Variants in CCAR1 observed in about 807,000 individuals in gnomAD.
The protein encoded by CCAR1 is cell division cycle and apoptosis regulator 1, also known as cell division cycle and apoptosis regulator protein 1.
In CCAR1, 78 loss-of-function variants were observed where a neutral mutation model predicts 163.8. The observed-to-expected ratio is 0.48, with a 90% CI of 0.40 to 0.57. CCAR1 has a LOEUF of 0.57. Among genes scored for constraint, CCAR1 ranks in the 20% least tolerant of loss-of-function variants. CCAR1 has a pLI of 0.00. For missense variants in CCAR1, 1,019 were observed against 1,365.2 expected, an observed-to-expected ratio of 0.75 and a Z score of 4.00; for synonymous variants, 443 against 460.7, an observed-to-expected ratio of 0.96 and a Z score of 0.49.
At chr10:68,745,025 G>A (rs1029568951) in intron 6 of CCAR1, among the ~76,000 whole-genome samples, 1 of 151,834 alleles carries the variant, frequency 6.6e-6, no homozygotes, top group African/African-American at 2.4e-5. Flanking sequence ...TTTTTTTTGA[G>A]ACAGAGTTTC....
intron 19 of CCAR1, among the ~76,000 whole-genome samples, chr10:68,778,467 A>C (rs1322182309): frequency 6.6e-6 from 1 of 150,598 alleles, no homozygotes; most frequent in African/African-American, 2.4e-5. Context: ...TGTGCCCCCT[A>C]CTTTATTTAA....
chr10:68,725,297 C>A (rs1338788270), intron 2 of CCAR1, among the ~76,000 whole-genome samples: 1 of 151,984 alleles, frequency 6.6e-6, no homozygotes, highest in Admixed American at 6.6e-5. Context: ...AACCTCCTCT[C>A]TACTAAAAAT....
intron 11 of CCAR1, 94 bp from the exon 12 acceptor site, chr10:68,754,620 C>A: frequency 1.6e-6 from 1 of 644,478 alleles, no homozygotes; most frequent in Non-Finnish European, 2.7e-6. Flanking sequence ...ATTTAAATTT[C>A]AGACATCTTA....
chr10:68,743,072 A>G (rs2056203632), intron 6 of CCAR1, among the ~76,000 whole-genome samples: 1 of 151,706 alleles, frequency 6.6e-6, no homozygotes, highest in African/African-American at 2.4e-5. Flanking sequence ...AGCTGGGACA[A>G]CAGGCATGCG....
chr10:68,774,483 C>T (rs887022366), intron 19 of CCAR1, among the ~76,000 whole-genome samples: 2 of 151,632 alleles, frequency 1.3e-5, no homozygotes, highest in Non-Finnish European at 2.9e-5. Flanking sequence ...ACTAAAAATA[C>T]AAAAAATTAG....
intron 2 of CCAR1, among the ~76,000 whole-genome samples, chr10:68,727,773 CCAGT>C (rs1212143437): frequency 3.3e-5 from 5 of 152,044 alleles, no homozygotes; most frequent in African/African-American, 7.2e-5. Context: ...CAGTCAGTGA[CCAGT>C]CAATCAAATC....
At chr10:68,738,485 G>GT (rs1437715383) in intron 4 of CCAR1, among the ~76,000 whole-genome samples, 2 of 152,138 alleles carry the variant, frequency 1.3e-5, no homozygotes, top group African/African-American at 4.8e-5. Context: ...CCTTTGGACT[G>GT]TTATGCTCCT....
intron 2 of CCAR1, among the ~76,000 whole-genome samples, chr10:68,728,972 T>C (rs918592523): frequency 2.0e-5 from 3 of 150,266 alleles, no homozygotes; most frequent in African/African-American, 4.9e-5. Context: ...AAAAAAGCCC[T>C]GTCCAATAAG....
chr10:68,725,364 C>T (rs2055927701), intron 2 of CCAR1, among the ~76,000 whole-genome samples: 2 of 151,598 alleles, frequency 1.3e-5, no homozygotes, highest in South Asian at 4.2e-4. Flanking sequence ...CACCACTGTA[C>T]TCCAGCCTGA....
chr10:68,786,189 T>TGC lies in CCAR1; in HGVS notation c.2704_2705insGC (p.Tyr902CysfsTer18). The stretch of plus-strand genomic sequence containing the variant: ...AGATGACAAAAGAGATATCAACAGA[T>TGC]ACTGCAAGGAGAGGCCCTCTAAAGA... On this transcript the variant is annotated frameshift_variant, in exon 20 of 25. Transcript: ENST00000265872. LOFTEE classifies it high-confidence loss of function. 6.2e-7 allele frequency: 1 copy of TGC among 1,611,354 alleles called. No individual in the cohort carries two copies. The highest frequency in any genetic ancestry group is 8.5e-7 in the Non-Finnish European group (1 of 1,177,946).
intron 2 of CCAR1, among the ~76,000 whole-genome samples, chr10:68,731,311 A>G (rs531434228): frequency 6.6e-6 from 1 of 152,216 alleles, no homozygotes; most frequent in Non-Finnish European, 1.5e-5. Flanking sequence ...ATGCACATAT[A>G]AAAATATTCA....
At chr10:68,758,389 C>T (rs1422335816) in intron 15 of CCAR1, among the ~76,000 whole-genome samples, 1 of 151,690 alleles carries the variant, frequency 6.6e-6, no homozygotes. Context: ...TAGATTGATA[C>T]ACATCTAAAC....
intron 21 of CCAR1, chr10:68,786,937 T>C (rs2056801662): frequency 3.4e-6 from 1 of 296,758 alleles, no homozygotes; most frequent in Non-Finnish European, 6.2e-6. Context: ...ATGCAAAAAT[T>C]AGCTGGGTGT....
intron 6 of CCAR1, among the ~76,000 whole-genome samples, chr10:68,745,015 T>A (rs1000378887): frequency 6.6e-6 from 1 of 150,516 alleles, no homozygotes; most frequent in Non-Finnish European, 1.5e-5. Context: ...AATTAATTAA[T>A]TTTTTTTGAG....
At chr10:68,771,061 G>C (rs950462351) in intron 17 of CCAR1, 145 bp from the exon 18 acceptor site, 2 of 545,176 alleles carry the variant, frequency 3.7e-6, no homozygotes, top group Non-Finnish European at 6.1e-6. Context: ...CTGGGCGACA[G>C]AGCGAGACTC....
At chr10:68,725,659 GA>G (rs1212695196) in intron 2 of CCAR1, among the ~76,000 whole-genome samples, 1 of 151,978 alleles carries the variant, frequency 6.6e-6, no homozygotes, top group Non-Finnish European at 1.5e-5. Flanking sequence ...CTTTTAATTT[GA>G]ATATATTTTT....
intron 10 of CCAR1, among the ~76,000 whole-genome samples, chr10:68,750,445 G>A (rs931890296): frequency 4.0e-5 from 6 of 151,894 alleles, no homozygotes; most frequent in Admixed American, 2.6e-4. Context: ...GGTTTGTTTC[G>A]AACTCCTAAC....
intron 17 of CCAR1, among the ~76,000 whole-genome samples, chr10:68,769,728 C>G (rs1229928601): frequency 6.6e-6 from 1 of 151,020 alleles, no homozygotes; most frequent in Non-Finnish European, 1.5e-5. Flanking sequence ...GATCATGAGG[C>G]CAGGAGATCG....
chr10:68,751,411 G>A (rs768009494), intron 10 of CCAR1, among the ~76,000 whole-genome samples: 6 of 152,032 alleles, frequency 3.9e-5, no homozygotes, highest in Non-Finnish European at 8.8e-5. Context: ...GCATATTTCC[G>A]AGAAACCAGT....
Sources: gnomAD v4.1 joint callset for allele counts (sites outside exome capture counted in the v4.1 genomes callset) on GRCh38, gnomAD v4.1.1 for gene constraint, MANE v1.5 for transcripts, NCBI Gene and HGNC (gene_info 2026-07-23, HGNC 2026-07-21) for gene names.